The following CHRNA1 variants were observed in gnomAD, a reference collection of about 807,000 sequenced individuals.
CHRNA1 encodes the protein cholinergic receptor nicotinic alpha 1 subunit.
A neutral mutation model predicts 47.1 loss-of-function variants in CHRNA1; 35 were observed. That is an observed-to-expected ratio of 0.74 (90% CI 0.57 to 0.99). The LOEUF is 0.99. CHRNA1 is among the 50% of genes least tolerant of loss of function. The pLI is 0.00. For missense variants in CHRNA1, 506 were observed against 591.1 expected, an observed-to-expected ratio of 0.86 and a Z score of 1.49; for synonymous variants, 229 against 223.6, an observed-to-expected ratio of 1.02 and a Z score of -0.22.
intron 5 of CHRNA1, 50 bp from the exon 6 acceptor site, chr2:174,753,790 G>T: frequency 1.3e-6 from 2 of 1,565,112 alleles, no homozygotes; most frequent in Non-Finnish European, 1.8e-6. Context: ...ACCCTGATGA[G>T]GGGCAGCGTT....
chr2:174,758,907 A>G (rs1187753446), intron 3 of CHRNA1, among the ~76,000 whole-genome samples: 1 of 151,970 alleles, frequency 6.6e-6, no homozygotes, highest in African/African-American at 2.4e-5. Context: ...ATATATATTC[A>G]TATATATCAT....
chr2:174,756,290 A>G (rs1010715989), intron 4 of CHRNA1, among the ~76,000 whole-genome samples: 2 of 152,186 alleles, frequency 1.3e-5, no homozygotes, highest in Non-Finnish European at 2.9e-5. Context: ...TGTTAGAATA[A>G]GTGTTGAATG....
intron 4 of CHRNA1, among the ~76,000 whole-genome samples, chr2:174,755,220 T>C (rs35463408): frequency 0.1 from 15,133 of 152,040 alleles, 879 homozygotes; most frequent in Middle Eastern, 0.18. Flanking sequence ...TTAGAACTCA[T>C]TGGGGTGGAC....
chr2:174,748,590 T>C lies in CHRNA1; in HGVS notation c.1232A>G (p.Glu411Gly). The C allele has an allele frequency of 6.2e-7, 1 of 1,612,554 alleles. No homozygotes were observed. The highest frequency in any genetic ancestry group is 1.1e-5 in the South Asian group (1 of 91,028). Reference protein sequence around the residue: ...YIAETMKSDQESNNAAAEWKY... With the variant: ...YIAETMKSDQGSNNAAAEWKY... ...AGCCACGAAGCTTACATTGTTAGACTCCTGGTCTGACTTCATGGTCTCTGC... is the reference window on the plus strand; with the variant it reads ...AGCCACGAAGCTTACATTGTTAGACCCCTGGTCTGACTTCATGGTCTCTGC... The change falls in exon 8 of 9, where the codon GAG (glutamate) becomes GGG (glycine). Residue 411 changes from glutamate (E) to glycine (G), a missense_variant. Transcript: ENST00000348749.
intron 7 of CHRNA1, among the ~76,000 whole-genome samples, chr2:174,749,180 G>A (rs1259133420): frequency 6.6e-6 from 1 of 152,172 alleles, no homozygotes; most frequent in African/African-American, 2.4e-5. Context: ...GTTAAAGAAG[G>A]GGCCCCTCCA....
At position 174,754,381 on chromosome 2, in the gene CHRNA1, G is replaced by A; in HGVS notation, c.378C>T (p.Thr126=). 6.2e-7 allele frequency: 1 copy of A among 1,614,098 alleles called. No homozygotes were observed. The highest frequency in any genetic ancestry group is 8.5e-7 in the Non-Finnish European group (1 of 1,180,022). ...GGCCAGTGTACTGCAGGAGCACTTT[G>A]GTGAACTTGACAATAGCAAAGTCAC... ...ADGDFAIVKF[T]KVLLQYTGHI... The change falls in exon 5 of 9, where the codon ACC becomes ACT. Residue 126 remains threonine (T), a synonymous_variant. Transcript: ENST00000348749.
intron 7 of CHRNA1, 109 bp from the exon 8 acceptor site, chr2:174,748,928 G>T: frequency 7.0e-7 from 1 of 1,435,282 alleles, no homozygotes; most frequent in Non-Finnish European, 9.5e-7. Context: ...CAGTTTTTCT[G>T]GGCTTCAGCC....
chr2:174,764,233 G>A, intron 1 of CHRNA1, 119 bp downstream of exon 1: 1 of 1,019,236 alleles, frequency 9.8e-7, no homozygotes, highest in Non-Finnish European at 1.5e-6. Context: ...AGCAGCCCCT[G>A]GTTGGGGAGG....
At chr2:174,763,326 GCGCGCA>G (rs5836473) in intron 1 of CHRNA1, among the ~76,000 whole-genome samples, 45,550 of 99,174 alleles carry the variant, frequency 0.46, 7,876 homozygotes, top group East Asian at 0.75. Flanking sequence ...GTGTGCACGC[GCGCGCA>G]CACACACACA....
rs1006100295 is a variant in CHRNA1 at position 174,748,016 on chromosome 2, A to G, written c.*108T>C. 9.5e-6 allele frequency: 13 copies of G among 1,368,114 alleles called. No homozygotes were observed. In the Admixed American group the frequency reaches 2.3e-4, roughly 25 times the overall value. 84.7% of individuals were successfully genotyped at this position (1,368,114 alleles called of 1,614,324 possible). On this transcript the variant is annotated 3_prime_UTR_variant, in exon 9 of 9. Transcript: ENST00000348749. ...TTATCATCAATAATAAGTATGGAAT[A>G]TAACACGTTTGATAAGTGCGAGTGG... is the stretch of plus-strand genomic sequence containing the variant.
chr2:174,760,059 A>C (rs1464063878), intron 1 of CHRNA1, among the ~76,000 whole-genome samples: 2 of 152,208 alleles, frequency 1.3e-5, no homozygotes, highest in African/African-American at 2.4e-5. Context: ...TGAACAGCCA[A>C]AATTGATGCT....
chr2:174,758,995 T>C (rs1247433374), intron 3 of CHRNA1, among the ~76,000 whole-genome samples: 2 of 152,144 alleles, frequency 1.3e-5, no homozygotes, highest in Non-Finnish European at 2.9e-5. Context: ...GAGAGAGTCC[T>C]AGGACAGATT....
rs115375214 is a variant in CHRNA1 at position 174,747,698 on chromosome 2, G to T, written c.*426C>A. 1,137 of 214,352 alleles carry T rather than the reference G, an allele frequency of 5.3e-3. 13 individuals carry two copies. Among genetic ancestry groups the T allele is most frequent in the African/African-American group, 0.026 (1,106 of 43,316 alleles). The allele number at this position is 214,352 out of a possible 1,614,324, so 13.3% of individuals were successfully genotyped here. A position where few individuals can be genotyped will look rare whatever the true frequency, so the allele number is the denominator to read the frequency against. The stretch of plus-strand genomic sequence containing the variant: ...ACTGGTAGATGGGGTTTTCTTAGTA[G>T]GTACAAAACTGACTCTTAAGCAAAG... On this transcript the variant is annotated 3_prime_UTR_variant, in exon 9 of 9. Coordinates refer to ENST00000348749, the MANE Select transcript of CHRNA1 (RefSeq NM_000079.4).
chr2:174,748,193 C>A lies in CHRNA1; in HGVS notation c.1305G>T (p.Met435Ile). 6.2e-7 allele frequency: 1 copy of A among 1,614,098 alleles called. No individual in the cohort carries two copies. The highest frequency in any genetic ancestry group is 1.1e-5 in the South Asian group (1 of 91,072). ...VMDHILLGVF[M>I]LVCIIGTLAV... is the part of the protein sequence containing the mutation. ...CTAGGGTTCCGATGATGCAAACAAG[C>A]ATGAAGACTCCGAGGAGTATGTGGT... Residue 435 changes from methionine (M) to isoleucine (I), a missense_variant, in exon 9 of 9, where the codon ATG becomes ATT. Transcript: ENST00000348749.
intron 4 of CHRNA1, among the ~76,000 whole-genome samples, chr2:174,757,015 G>T (rs1683992117): frequency 6.6e-6 from 1 of 152,174 alleles, no homozygotes; most frequent in Admixed American, 6.5e-5. Context: ...CCAGTGGATG[G>T]GCAGTGAAGG....
chr2:174,759,944 A>G (rs1684070228), intron 1 of CHRNA1, among the ~76,000 whole-genome samples: 2 of 151,774 alleles, frequency 1.3e-5, no homozygotes, highest in African/African-American at 2.4e-5. Flanking sequence ...ACACACACAC[A>G]CACACACACA....
intron 4 of CHRNA1, among the ~76,000 whole-genome samples, chr2:174,754,902 T>TC (rs964233539): frequency 1.3e-5 from 2 of 150,450 alleles, no homozygotes; most frequent in African/African-American, 4.9e-5. Flanking sequence ...TTTTTTTTTT[T>TC]TGAGATGGAA....
At chr2:174,762,053 G>A (rs1023509311) in intron 1 of CHRNA1, among the ~76,000 whole-genome samples, 13 of 152,204 alleles carry the variant, frequency 8.5e-5, no homozygotes, top group African/African-American at 2.9e-4. Context: ...AGAGGAAGGG[G>A]AGGATGACAG....
Position 174,753,748 on chromosome 2 carries a change from A to G in CHRNA1, c.541-8T>C. 1 of 1,613,692 alleles carries G rather than the reference A, an allele frequency of 6.2e-7. No homozygotes were observed. Among genetic ancestry groups the G allele is most frequent in the South Asian group, 1.1e-5 (1 of 91,022 alleles). On this transcript the variant is annotated splice_polypyrimidine_tract_variant and splice_region_variant and intron_variant, in intron 5 of 8. Coordinates refer to ENST00000348749, the MANE Select transcript of CHRNA1 (RefSeq NM_000079.4). ...GTCTGGCTGGTCGCTTTCCTGAGAA[A>G]GGAAGTGAGGTTTGGAAATCCCAGG...
Sources: gnomAD v4.1 joint callset for allele counts (sites outside exome capture counted in the v4.1 genomes callset) on GRCh38, gnomAD v4.1.1 for gene constraint, MANE v1.5 for transcripts, NCBI Gene and HGNC (gene_info 2026-07-23, HGNC 2026-07-21) for gene names.